GRIN2B: variants seen among roughly 807,000 people sequenced by gnomAD.
GRIN2B encodes the protein glutamate receptor ionotropic, NMDA 2B.
Under a neutral mutation model 114.5 loss-of-function variants are expected in GRIN2B, and 5 were observed. The observed-to-expected ratio is 0.04, with a 90% CI of 0.02 to 0.09. The LOEUF (loss-of-function observed/expected upper bound fraction) is 0.09, where lower values mean the gene tolerates loss of function less well. GRIN2B is among the 10% of genes least tolerant of loss of function. The pLI, the probability that GRIN2B is intolerant of heterozygous loss-of-function variation, is 1.00. For missense variants in GRIN2B, 1,108 were observed against 1,943.5 expected, an observed-to-expected ratio of 0.57 and a Z score of 8.08; for synonymous variants, 787 against 745.1, an observed-to-expected ratio of 1.06 and a Z score of -0.92.
At chr12:13,804,518 T>C (rs1864569512) in intron 3 of GRIN2B, among the ~76,000 whole-genome samples, 1 of 152,094 alleles carries the variant, frequency 6.6e-6, no homozygotes, top group Admixed American at 6.6e-5. Context: ...TATAACACTT[T>C]CATATTTGGT....
chr12:13,935,538 A>G (rs967423546), intron 2 of GRIN2B, among the ~76,000 whole-genome samples: 1 of 152,336 alleles, frequency 6.6e-6, no homozygotes, highest in Admixed American at 6.5e-5. Context: ...GTTTGAATTC[A>G]GACTATGATA....
chr12:13,568,915 G>T (rs1565456638), intron 12 of GRIN2B, among the ~76,000 whole-genome samples: 2 of 152,160 alleles, frequency 1.3e-5, no homozygotes, highest in Admixed American at 6.5e-5. Context: ...GTCTGCCTCT[G>T]AGGACCCTAA....
chr12:13,635,875 T>C (rs1427765673), intron 5 of GRIN2B, among the ~76,000 whole-genome samples: 1 of 152,218 alleles, frequency 6.6e-6, no homozygotes, highest in Non-Finnish European at 1.5e-5. Context: ...CTTTCGTTTA[T>C]TCAGCAGGTA....
At chr12:13,974,437 A>C (rs534725639) in intron 2 of GRIN2B, among the ~76,000 whole-genome samples, 1 of 152,292 alleles carries the variant, frequency 6.6e-6, no homozygotes, top group South Asian at 2.1e-4. Flanking sequence ...TGTAATCTGA[A>C]ATTCCTAATC....
chr12:13,809,235 C>G (rs1044618006), intron 3 of GRIN2B, among the ~76,000 whole-genome samples: 2 of 152,134 alleles, frequency 1.3e-5, no homozygotes, highest in Non-Finnish European at 2.9e-5. Context: ...AACCAATTTC[C>G]TAATTTCCCA....
In GRIN2B at chr12:13,879,266, A is replaced by G. The variant is rs188282483; in HGVS notation, c.-18-13040T>C. Among the ~76,000 whole-genome samples the G allele has an allele frequency of 4.6e-5, 7 of 152,250 alleles. No homozygotes were observed. In the East Asian group the frequency reaches 1.4e-3, roughly 29 times the overall value. On this transcript the variant is annotated intron_variant, in intron 2 of 13. Transcript: ENST00000609686. The stretch of plus-strand genomic sequence containing the variant: ...ATAGCCTATTACTCCTAGGCTACAA[A>G]TCTGTACAGCATGTTACTGTACTGG...
At chr12:13,786,321 CCT>C (rs1864220304) in intron 3 of GRIN2B, among the ~76,000 whole-genome samples, 2 of 152,096 alleles carry the variant, frequency 1.3e-5, no homozygotes, top group African/African-American at 4.8e-5. Context: ...ACCCAGTAAC[CCT>C]GTTAATATAC....
Position 13,968,504 on chromosome 12 carries a change from G to T in GRIN2B, c.-19+11424C>A, listed in dbSNP as rs146593302. ...TGCTGGCCAGGGTGGGGCCAAGATG[G>T]GATCTGCTCAACAGGGCCAAAGACC... On this transcript the variant is annotated intron_variant, in intron 2 of 13. Transcript: ENST00000609686. Among the ~76,000 whole-genome samples the T allele has an allele frequency of 4.6e-3, 704 of 152,178 alleles. 12 individuals carry two copies. Among genetic ancestry groups the T allele is most frequent in the African/African-American group, 0.016 (682 of 41,486 alleles).
At chr12:13,817,410 C>A (rs1052336054) in intron 3 of GRIN2B, among the ~76,000 whole-genome samples, 8 of 152,172 alleles carry the variant, frequency 5.3e-5, no homozygotes, top group Non-Finnish European at 1.0e-4. Flanking sequence ...ATCAGAAAGG[C>A]TCTTGGCCCA....
chr12:13,843,251 A>G (rs916861640), intron 3 of GRIN2B, among the ~76,000 whole-genome samples: 1 of 151,778 alleles, frequency 6.6e-6, no homozygotes, highest in African/African-American at 2.4e-5. Context: ...ACACTCGCAC[A>G]GACACACACA....
chr12:13,678,191 G>A (rs565283666), intron 4 of GRIN2B, among the ~76,000 whole-genome samples: 1 of 152,230 alleles, frequency 6.6e-6, no homozygotes, highest in South Asian at 2.1e-4. Context: ...TTAAATGAAC[G>A]TTTAGGTGAA....
chr12:13,761,312 G>A (rs1053914271), intron 3 of GRIN2B, among the ~76,000 whole-genome samples: 2 of 152,048 alleles, frequency 1.3e-5, no homozygotes, highest in Non-Finnish European at 2.9e-5. Flanking sequence ...GTCTCTCTTC[G>A]GATGTGCTTT....
At chr12:13,906,539 A>G (rs1302024314) in intron 2 of GRIN2B, among the ~76,000 whole-genome samples, 3 of 152,262 alleles carry the variant, frequency 2.0e-5, no homozygotes, top group East Asian at 3.8e-4. Flanking sequence ...GTTTTCACAC[A>G]TTTCATGTAG....
At chr12:13,916,737 T>TTGTGTGTGTGTGTGTGTGTGTGTG in intron 2 of GRIN2B, among the ~76,000 whole-genome samples, 1 of 139,942 alleles carries the variant, frequency 7.1e-6, no homozygotes, top group East Asian at 2.2e-4. Context: ...ACACACACAT[T>TTGTGTGTGTGTGTGTGTGTGTGTG]TGTGTGTGTG....
At chr12:13,648,196 T>C (rs1318079171) in intron 5 of GRIN2B, among the ~76,000 whole-genome samples, 1 of 152,016 alleles carries the variant, frequency 6.6e-6, no homozygotes, top group Non-Finnish European at 1.5e-5. Flanking sequence ...TAGTCTATCA[T>C]ATTGCTGAAT....
chr12:13,731,080 C>G (rs1467083490), intron 4 of GRIN2B, among the ~76,000 whole-genome samples: 1 of 152,156 alleles, frequency 6.6e-6, no homozygotes, highest in Non-Finnish European at 1.5e-5. Context: ...TTTCTAGATA[C>G]TCTTCTCCTG....
At chr12:13,857,287 T>G (rs1865677112) in intron 3 of GRIN2B, among the ~76,000 whole-genome samples, 1 of 152,148 alleles carries the variant, frequency 6.6e-6, no homozygotes, top group African/African-American at 2.4e-5. Flanking sequence ...AGACTATTCT[T>G]GACAGTGGGA....
At position 13,540,123 on chromosome 12, in the gene GRIN2B, C is replaced by G. The variant is rs1948258088; in HGVS notation, c.*22660G>C. On this transcript the variant is annotated 3_prime_UTR_variant, in exon 14 of 14. Coordinates refer to ENST00000609686, the MANE Select transcript of GRIN2B (RefSeq NM_000834.5). ...TTCGCCAGTCCAAGACTCCTACCAA[C>G]AATTGGAAACCAACTGGGCAAGGGG... is the stretch of plus-strand genomic sequence containing the variant. 6.6e-6 allele frequency: 1 copy of G among 152,154 alleles called. No homozygotes were observed. The highest frequency in any genetic ancestry group is 2.1e-4 in the South Asian group (1 of 4,828). 9.4% of individuals were successfully genotyped at this position (152,154 alleles called of 1,614,324 possible).
intron 2 of GRIN2B, among the ~76,000 whole-genome samples, chr12:13,970,366 T>A (rs1565604870): frequency 6.6e-6 from 1 of 152,222 alleles, no homozygotes; most frequent in Non-Finnish European, 1.5e-5. Context: ...CTAAAGATAC[T>A]TTCGTCTGTT....
Sources: allele counts gnomAD v4.1 joint callset (sites outside exome capture counted in the v4.1 genomes callset), GRCh38; gene constraint gnomAD v4.1.1; transcripts MANE v1.5; gene names NCBI Gene and HGNC (gene_info 2026-07-23, HGNC 2026-07-21).